CEMIP: variants seen among roughly 807,000 people sequenced by gnomAD.
CEMIP encodes cell migration-inducing and hyaluronan-binding protein.
Under a neutral mutation model 156.9 loss-of-function variants are expected in CEMIP, and 105 were observed. That is an observed-to-expected ratio of 0.67 (90% CI 0.57 to 0.79). The LOEUF is 0.79. Ranked by LOEUF, CEMIP falls within the 30% of genes least tolerant of loss-of-function variation. CEMIP has a pLI of 0.00. For synonymous variants in CEMIP, 676 were observed against 668.4 expected, an observed-to-expected ratio of 1.01 and a Z score of -0.17; for missense variants, 1,457 against 1,769.4, an observed-to-expected ratio of 0.82 and a Z score of 3.17.
At chr15:80,938,030 C>A in intron 25 of CEMIP, 51 bp downstream of exon 25, 1 of 1,469,784 alleles carries the variant, frequency 6.8e-7, no homozygotes, top group Non-Finnish European at 9.4e-7. Context: ...CTCATCTTGT[C>A]CCCTTGGCCT....
chr15:80,823,316 C>T (rs1199343251), intron 1 of CEMIP, among the ~76,000 whole-genome samples: 2 of 152,144 alleles, frequency 1.3e-5, no homozygotes, highest in African/African-American at 4.8e-5. Flanking sequence ...CAGTTGGAGT[C>T]CCCAGAGGGT....
chr15:80,884,896 C>T (rs964997021), intron 7 of CEMIP, among the ~76,000 whole-genome samples: 67 of 152,212 alleles, frequency 4.4e-4, no homozygotes, highest in African/African-American at 1.6e-3. Context: ...CCACAGTAAA[C>T]AATGCCTTTT....
intron 8 of CEMIP, among the ~76,000 whole-genome samples, 187 bp from the exon 9 acceptor site, chr15:80,888,514 C>A (rs1370013788): frequency 6.6e-6 from 1 of 152,188 alleles, no homozygotes; most frequent in Non-Finnish European, 1.5e-5. Context: ...AAAACTGAAA[C>A]AAAAGAATGG....
chr15:80,803,579 G>A (rs925006741), intron 1 of CEMIP, among the ~76,000 whole-genome samples: 4 of 152,192 alleles, frequency 2.6e-5, no homozygotes, highest in South Asian at 2.1e-4. Flanking sequence ...GCCAGACACC[G>A]TGATGAGTAT....
At chr15:80,781,723 T>A (rs1317113067) in intron 1 of CEMIP, among the ~76,000 whole-genome samples, 2 of 152,220 alleles carry the variant, frequency 1.3e-5, no homozygotes, top group African/African-American at 4.8e-5. Context: ...TTTGTGCCTG[T>A]TTGCTGATAT....
At chr15:80,852,237 ATT>A (rs1294043499) in intron 1 of CEMIP, among the ~76,000 whole-genome samples, 1 of 152,212 alleles carries the variant, frequency 6.6e-6, no homozygotes, top group Non-Finnish European at 1.5e-5. Context: ...GATTATGTGA[ATT>A]TGGACAAATC....
chr15:80,831,622 T>C (rs1342470027), intron 1 of CEMIP, among the ~76,000 whole-genome samples: 10 of 151,958 alleles, frequency 6.6e-5, no homozygotes, highest in Admixed American at 5.9e-4. Context: ...CACGTGGAGA[T>C]AGTGAATACA....
At chr15:80,828,895 G>A (rs1320321001) in intron 1 of CEMIP, among the ~76,000 whole-genome samples, 2 of 152,232 alleles carry the variant, frequency 1.3e-5, no homozygotes, top group Non-Finnish European at 2.9e-5. Flanking sequence ...CAGGAGTGGG[G>A]TAGAAATCTG....
chr15:80,876,686 T>C (rs1431944083), intron 3 of CEMIP, among the ~76,000 whole-genome samples: 1 of 152,180 alleles, frequency 6.6e-6, no homozygotes, highest in Non-Finnish European at 1.5e-5. Flanking sequence ...GAAGGGCCAG[T>C]AGCTGCCTTC....
At chr15:80,780,592 C>A (rs986014249) in intron 1 of CEMIP, among the ~76,000 whole-genome samples, 2 of 152,230 alleles carry the variant, frequency 1.3e-5, no homozygotes, top group Non-Finnish European at 2.9e-5. Flanking sequence ...AAGCAGCCAA[C>A]GCTACCCACA....
rs142444091 is a variant in CEMIP at position 80,909,277 on chromosome 15, G to A, written c.1768G>A (p.Val590Ile). 264 of 1,614,020 alleles carry A rather than the reference G, an allele frequency of 1.6e-4. No homozygotes were observed. The highest frequency in any genetic ancestry group is 1.2e-3 in the African/African-American group (90 of 74,992). The change falls in exon 14 of 30, where the codon GTC (valine) becomes ATC (isoleucine). Residue 590 changes from valine (V) to isoleucine (I), a missense_variant. Val to Ile is a conservative substitution (Grantham distance 29, BLOSUM62 3). Coordinates refer to ENST00000394685, the MANE Select transcript of CEMIP (RefSeq NM_001293298.2). ...CATCCATCATACATTCTCTCGCTGC[G>A]TCACAGTCCATGGCTCCAATGGCTT... is the stretch of plus-strand genomic sequence containing the variant. Reference protein sequence around the residue: ...LSIHHTFSRCVTVHGSNGLLI... With the variant: ...LSIHHTFSRCITVHGSNGLLI...
intron 1 of CEMIP, among the ~76,000 whole-genome samples, chr15:80,827,003 A>T (rs1897052049): frequency 6.6e-6 from 1 of 152,230 alleles, no homozygotes; most frequent in Non-Finnish European, 1.5e-5. Flanking sequence ...TCCTACAATA[A>T]GAAGCAGGAC....
intron 1 of CEMIP, among the ~76,000 whole-genome samples, chr15:80,857,580 A>C (rs1385871880): frequency 6.6e-6 from 1 of 152,192 alleles, no homozygotes; most frequent in Admixed American, 6.5e-5. Flanking sequence ...GGACCCTTAG[A>C]AGTTGAAGTT....
intron 1 of CEMIP, among the ~76,000 whole-genome samples, chr15:80,846,829 G>A (rs1315524590): frequency 6.6e-6 from 1 of 152,206 alleles, no homozygotes; most frequent in East Asian, 1.9e-4. Context: ...TGATACTAGA[G>A]CCTAATAATC....
chr15:80,855,229 A>G (rs1375558278), intron 1 of CEMIP, among the ~76,000 whole-genome samples: 1 of 152,126 alleles, frequency 6.6e-6, no homozygotes, highest in Non-Finnish European at 1.5e-5. Context: ...GCTCCTCCTC[A>G]CCAACATATA....
intron 25 of CEMIP, among the ~76,000 whole-genome samples, chr15:80,938,349 C>T (rs1032144708): frequency 5.3e-5 from 8 of 152,234 alleles, no homozygotes; most frequent in African/African-American, 9.6e-5. Flanking sequence ...TGGTGACTCA[C>T]GCTTCCCAGC....
chr15:80,795,366 G>A (rs1411630062), intron 1 of CEMIP, among the ~76,000 whole-genome samples: 3 of 152,098 alleles, frequency 2.0e-5, no homozygotes, highest in Non-Finnish European at 4.4e-5. Flanking sequence ...CTGGGCTAGG[G>A]ACCTGGTGAT....
At chr15:80,813,237 A>G (rs1896710703) in intron 1 of CEMIP, among the ~76,000 whole-genome samples, 1 of 152,146 alleles carries the variant, frequency 6.6e-6, no homozygotes, top group Non-Finnish European at 1.5e-5. Flanking sequence ...GTGAGGGTTA[A>G]ATGAGTTCAT....
chr15:80,871,065 C>T (rs947776378), intron 1 of CEMIP, among the ~76,000 whole-genome samples: 3 of 152,186 alleles, frequency 2.0e-5, no homozygotes, highest in African/African-American at 4.8e-5. Flanking sequence ...AGCTAAGAAG[C>T]GGAATCCCAG....
Sources: gnomAD v4.1 joint callset for allele counts (sites outside exome capture counted in the v4.1 genomes callset) on GRCh38, gnomAD v4.1.1 for gene constraint, MANE v1.5 for transcripts, NCBI Gene and HGNC (gene_info 2026-07-23, HGNC 2026-07-21) for gene names.